GNAZ: variants seen among roughly 807,000 people sequenced by gnomAD.
The protein encoded by GNAZ is G protein subunit alpha z.
Under a neutral mutation model 25.4 loss-of-function variants are expected in GNAZ, and 3 were observed. That is an observed-to-expected ratio of 0.12 (90% CI 0.05 to 0.30). The LOEUF (loss-of-function observed/expected upper bound fraction) is 0.30. Ranked by LOEUF, GNAZ falls within the 10% of genes least tolerant of loss-of-function variation. The pLI is 1.00. For synonymous variants in GNAZ, 211 were observed against 205.7 expected (o/e 1.03, Z -0.22); for missense variants, 241 against 501.8 (o/e 0.48, Z 4.97).
chr22:23,074,877 AATT>A (rs2068473003), intron 1 of GNAZ, among the ~76,000 whole-genome samples: 1 of 152,022 alleles, frequency 6.6e-6, no homozygotes, highest in Admixed American at 6.6e-5. Context: ...CCCATTTGAA[AATT>A]ATTAAGGGCC....
chr22:23,077,465 T>A lies in GNAZ; in HGVS notation c.-450+6895T>A, dbSNP rs576935469. Among the ~76,000 whole-genome samples, 15 of 152,302 alleles carry A rather than the reference T, an allele frequency of 9.8e-5. No homozygotes were observed. The East Asian group carries it at 2.7e-3, about 27-fold the overall frequency. On this transcript the variant is annotated intron_variant, in intron 1 of 2. Transcript: ENST00000615612. ...CTCTACAAGGCCGGGAGCCTCCTCT[T>A]GGATGTACACCTGATGTTGATCTCT...
rs2068374178 is a variant in GNAZ, at chr22:23,071,481, G to A, written c.-450+911G>A. On this transcript the variant is annotated intron_variant, in intron 1 of 2. Transcript: ENST00000615612. This position sits in a 1 kb window ranked among gnomAD's most constrained non-coding sequence, Gnocchi z 4.1. ...TGGGGAGACAGCTGAGCCCCTGACC[G>A]GCTCCTTTCTGCCCAAGTGATTTCC... Among the ~76,000 whole-genome samples, 1 of 152,220 alleles carries A rather than the reference G, an allele frequency of 6.6e-6. No homozygotes were observed. The highest frequency in any genetic ancestry group is 1.5e-5 in the Non-Finnish European group (1 of 68,034).
chr22:23,115,869 C>A (rs1460630796), intron 2 of GNAZ, among the ~76,000 whole-genome samples: 1 of 152,260 alleles, frequency 6.6e-6, no homozygotes, highest in African/African-American at 2.4e-5. Flanking sequence ...ATTCCTTCAT[C>A]TGTGCAAGGG....
chr22:23,093,670 G>A (rs1169343411), intron 1 of GNAZ, among the ~76,000 whole-genome samples: 1 of 152,222 alleles, frequency 6.6e-6, no homozygotes, highest in Non-Finnish European at 1.5e-5. Flanking sequence ...TGAGGGACAG[G>A]CTCTGAGATG....
At chr22:23,102,196 G>T (rs577216875) in intron 2 of GNAZ, among the ~76,000 whole-genome samples, 1 of 152,226 alleles carries the variant, frequency 6.6e-6, no homozygotes, top group Non-Finnish European at 1.5e-5. Flanking sequence ...GCCTTCAGCC[G>T]CTCTGAGCCT....
chr22:23,073,588 C>T (rs2068429446), intron 1 of GNAZ, among the ~76,000 whole-genome samples: 1 of 152,244 alleles, frequency 6.6e-6, no homozygotes, highest in Non-Finnish European at 1.5e-5. Context: ...CAGCCCCTGC[C>T]ACACATTTTG....
chr22:23,110,524 A>C (rs921446165), intron 2 of GNAZ, among the ~76,000 whole-genome samples: 1 of 152,132 alleles, frequency 6.6e-6, no homozygotes, highest in African/African-American at 2.4e-5. Context: ...GTCCTTAAAG[A>C]GACAGAGGGA....
chr22:23,076,804 C>T (rs2068516998), intron 1 of GNAZ, among the ~76,000 whole-genome samples: 1 of 152,108 alleles, frequency 6.6e-6, no homozygotes, highest in African/African-American at 2.4e-5. Context: ...TCCAGGTGGC[C>T]CCTGTGCCCC....
chr22:23,097,081 C>T (rs1422279843), intron 2 of GNAZ, among the ~76,000 whole-genome samples: 2 of 152,116 alleles, frequency 1.3e-5, no homozygotes, highest in Non-Finnish European at 2.9e-5. Flanking sequence ...CGGTGGAGGC[C>T]GTGGCAGGCA....
chr22:23,075,449 T>A (rs1310933725), intron 1 of GNAZ, among the ~76,000 whole-genome samples: 1 of 152,200 alleles, frequency 6.6e-6, no homozygotes, highest in Non-Finnish European at 1.5e-5. Context: ...GATGGTCCCA[T>A]CAGCAGGCCC....
chr22:23,117,842 A>G (rs966126208), intron 2 of GNAZ, among the ~76,000 whole-genome samples: 1 of 152,212 alleles, frequency 6.6e-6, no homozygotes, highest in Admixed American at 6.5e-5. Context: ...TTGTGTCACC[A>G]GGAGAACCTT....
Position 23,095,990 on chromosome 22 carries a change from G to A in GNAZ, c.295G>A (p.Asp99Asn), listed in dbSNP as rs1458257062. Residue 99 changes from aspartate to asparagine, a missense_variant, in exon 2 of 3, where the codon GAC (aspartate) becomes AAC (asparagine). Coordinates refer to ENST00000615612, the MANE Select transcript of GNAZ (RefSeq NM_002073.4). ...CCTCAGGATCGACTTCCACAACCCC[G>A]ACCGCGCCTACGACGCTGTGCAGCT... ...AALRIDFHNP[D>N]RAYDAVQLFA... 7.5e-6 allele frequency: 12 copies of A among 1,609,638 alleles called. No homozygotes were observed. Among genetic ancestry groups the A allele is most frequent in the East Asian group, 2.2e-5 (1 of 44,878 alleles).
chr22:23,079,516 T>C (rs1442655055), intron 1 of GNAZ, among the ~76,000 whole-genome samples: 1 of 152,074 alleles, frequency 6.6e-6, no homozygotes, highest in Admixed American at 6.5e-5. Context: ...ACAGCCCTGG[T>C]GCCCTGGCTG....
chr22:23,093,466 G>A (rs1373568692), intron 1 of GNAZ, among the ~76,000 whole-genome samples: 2 of 152,234 alleles, frequency 1.3e-5, no homozygotes, highest in African/African-American at 4.8e-5. Context: ...CTCTGGCTGG[G>A]GGTAGGGGCG....
intron 2 of GNAZ, among the ~76,000 whole-genome samples, chr22:23,122,054 A>C (rs1272854918): frequency 6.6e-6 from 1 of 152,212 alleles, no homozygotes; most frequent in South Asian, 2.1e-4. Context: ...AATCCAAAGC[A>C]TCAGATCTAA....
intron 2 of GNAZ, among the ~76,000 whole-genome samples, chr22:23,114,384 C>T (rs148086630): frequency 2.0e-5 from 3 of 152,322 alleles, no homozygotes; most frequent in Non-Finnish European, 4.4e-5. Flanking sequence ...TGGGACAGAC[C>T]GGCCCCGGCC....
chr22:23,104,563 T>G (rs1258936490), intron 2 of GNAZ, among the ~76,000 whole-genome samples: 8 of 152,034 alleles, frequency 5.3e-5, no homozygotes, highest in East Asian at 1.9e-4. Flanking sequence ...CAGCTCTGGG[T>G]TTTAAGACAC....
intron 1 of GNAZ, among the ~76,000 whole-genome samples, chr22:23,072,371 A>G (rs1216208695): frequency 5.3e-5 from 8 of 152,038 alleles, no homozygotes. Context: ...ATTCTCTAGG[A>G]ATGAGGAGAT....
At chr22:23,078,458 C>T (rs981638710) in intron 1 of GNAZ, among the ~76,000 whole-genome samples, 31 of 151,822 alleles carry the variant, frequency 2.0e-4, no homozygotes, top group African/African-American at 5.3e-4. Context: ...CCACCTCCTC[C>T]AAGGAGTCTC....
Sources: allele counts gnomAD v4.1 joint callset (sites outside exome capture counted in the v4.1 genomes callset), GRCh38; gene constraint gnomAD v4.1.1; non-coding constraint Gnocchi (gnomAD v3.1); transcripts MANE v1.5; gene names NCBI Gene and HGNC (gene_info 2026-07-23, HGNC 2026-07-21).